Variants in TRPC5 observed in about 807,000 individuals in gnomAD.
TRPC5 encodes the protein transient receptor potential cation channel subfamily C member 5, also known as short transient receptor potential channel 5.
In TRPC5, 9 loss-of-function variants were observed where a neutral mutation model predicts 56.5. The observed-to-expected ratio is 0.16, with a 90% confidence interval of 0.10 to 0.28. TRPC5 has a LOEUF of 0.28. Among genes scored for constraint, TRPC5 ranks in the 10% least tolerant of loss-of-function variants. The pLI, the probability that TRPC5 is intolerant of heterozygous loss-of-function variation, is 1.00. For synonymous variants in TRPC5, 282 were observed against 278.5 expected (o/e 1.01, Z -0.13); for missense variants, 469 against 748.9 (o/e 0.63, Z 4.36).
intron 2 of TRPC5, among the ~76,000 whole-genome samples, chrX:111,940,393 G>A (rs1926738062): frequency 8.9e-6 from 1 of 111,747 alleles, no homozygotes; most frequent in Admixed American, 9.5e-5. Context: ...GACACGTAAA[G>A]CAAAAAATAT....
chrX:111,815,201 A>G (rs1035265557), intron 7 of TRPC5, among the ~76,000 whole-genome samples: 9 of 111,331 alleles, frequency 8.1e-5, no homozygotes, highest in African/African-American at 2.9e-4. Flanking sequence ...GGGTGAATGT[A>G]TTAGAATTTG....
intron 1 of TRPC5, among the ~76,000 whole-genome samples, chrX:112,075,255 G>T: frequency 8.9e-6 from 1 of 112,099 alleles, no homozygotes. Flanking sequence ...TAGGCCAACA[G>T]GGAAAATTCA....
chrX:111,846,073 TG>T (rs1308261283), intron 6 of TRPC5, among the ~76,000 whole-genome samples: 1 of 111,541 alleles, frequency 9.0e-6, no homozygotes, highest in Non-Finnish European at 1.9e-5. Flanking sequence ...TGTTTTGTTT[TG>T]TTTTTTTCTC....
At chrX:111,791,397 C>T (rs1946020108) in intron 7 of TRPC5, among the ~76,000 whole-genome samples, 1 of 111,791 alleles carries the variant, frequency 8.9e-6, no homozygotes, top group Non-Finnish European at 1.9e-5. Flanking sequence ...ATCACCCTGA[C>T]ACCAACAGAA....
At chrX:111,927,948 G>T (rs1353529345) in intron 2 of TRPC5, among the ~76,000 whole-genome samples, 1 of 109,697 alleles carries the variant, frequency 9.1e-6, no homozygotes, top group East Asian at 2.9e-4. Flanking sequence ...TTTCTGAATG[G>T]CTTCTCTAAG....
At chrX:111,836,442 G>A (rs1454581744) in intron 6 of TRPC5, among the ~76,000 whole-genome samples, 2 of 111,488 alleles carry the variant, frequency 1.8e-5, no homozygotes, top group Non-Finnish European at 3.8e-5. Context: ...GTGGGTGAGA[G>A]GTACTTTAAG....
chrX:111,905,871 T>G (rs192364886), intron 3 of TRPC5, among the ~76,000 whole-genome samples: 3 of 96,728 alleles, frequency 3.1e-5, no homozygotes, highest in Non-Finnish European at 6.0e-5. Context: ...GCCAAGATCG[T>G]GCCACTGCAC....
At chrX:111,945,369 G>A (rs1331510954) in intron 2 of TRPC5, among the ~76,000 whole-genome samples, 1 of 109,117 alleles carries the variant, frequency 9.2e-6, no homozygotes, top group Non-Finnish European at 1.9e-5. Flanking sequence ...AATTTCCCTG[G>A]TTGTCAAAAA....
At chrX:111,842,158 G>GTATATATATATATTTTATAT (rs1922776623) in intron 6 of TRPC5, among the ~76,000 whole-genome samples, 1 of 86,137 alleles carries the variant, frequency 1.2e-5, no homozygotes, top group African/African-American at 6.9e-5. Flanking sequence ...GTATATTTTA[G>GTATATATATATATTTTATAT]ATGGAGTCTC....
Position 111,912,474 on chromosome X carries a change from G to A in TRPC5, c.717C>T (p.Ala239=), listed in dbSNP as rs370740061. Residue 239 remains alanine (A), a synonymous_variant, in exon 3 of 11, where the codon GCC becomes GCT. Transcript: ENST00000262839. ...ACTGCTGAGAGAGCTCCTCATACTCGGCCTTGAACTCATTCTCCACCTTGC... is the reference window on the plus strand; with the variant it reads ...ACTGCTGAGAGAGCTCCTCATACTCAGCCTTGAACTCATTCTCCACCTTGC... ...ELSKVENEFK[A]EYEELSQQCK... 9.0e-5 allele frequency: 109 copies of A among 1,209,373 alleles called. No individual in the cohort carries two copies. The highest frequency in any genetic ancestry group is 1.1e-4 in the African/African-American group (6 of 56,983).
At chrX:111,835,600 A>T (rs947474360) in intron 6 of TRPC5, among the ~76,000 whole-genome samples, 2 of 111,397 alleles carry the variant, frequency 1.8e-5, no homozygotes, top group African/African-American at 6.5e-5. Flanking sequence ...CATCCTGGCT[A>T]ATACGGTGAA....
At chrX:112,078,425 G>T (rs1930887332) in intron 1 of TRPC5, among the ~76,000 whole-genome samples, 1 of 111,833 alleles carries the variant, frequency 8.9e-6, no homozygotes, top group African/African-American at 3.3e-5. Flanking sequence ...AAACAGTACT[G>T]GGTTGTGGTT....
chrX:111,835,099 T>C lies in TRPC5; in HGVS notation c.1718A>G (p.Gln573Arg). The C allele has an allele frequency of 8.3e-7, 1 of 1,206,969 alleles. No homozygotes were observed. The highest frequency in any genetic ancestry group is 1.1e-6 in the Non-Finnish European group (1 of 893,222). The change falls in exon 7 of 11, where the codon CAG becomes CGG. Residue 573 changes from glutamine to arginine, a missense_variant. Physicochemically the swap from Gln to Arg is conservative, Grantham distance 43. Transcript: ENST00000262839. Reference sequence around the variant, plus strand: ...GCCAAATACAGACCAGAAGAGTGACTGAAGAGTCTCAAAGAGCCTAAAAGA... The same window carrying C: ...GCCAAATACAGACCAGAAGAGTGACCGAAGAGTCTCAAAGAGCCTAAAAGA... ...NAFSTLFETL[Q>R]SLFWSVFGLL... is the part of the protein sequence containing the mutation.
intron 7 of TRPC5, among the ~76,000 whole-genome samples, chrX:111,826,352 A>T (rs1051281763): frequency 3.6e-5 from 4 of 112,351 alleles, no homozygotes; most frequent in Admixed American, 2.8e-4. Flanking sequence ...TTGTTGTCTG[A>T]AATGAGATTA....
chrX:111,835,461 A>G (rs189561379), intron 6 of TRPC5, among the ~76,000 whole-genome samples: 68 of 112,079 alleles, frequency 6.1e-4, no homozygotes, highest in African/African-American at 1.8e-3. Context: ...TACCATTCTA[A>G]TTATGCAGAG....
chrX:111,901,712 T>A (rs990309652), intron 3 of TRPC5: 1 of 437,388 alleles, frequency 2.3e-6, no homozygotes, highest in African/African-American at 2.4e-5. Flanking sequence ...ATCACCATCA[T>A]AATCATATCA....
intron 1 of TRPC5, among the ~76,000 whole-genome samples, chrX:111,997,805 G>A (rs928677244): frequency 1.8e-5 from 2 of 110,145 alleles, no homozygotes; most frequent in South Asian, 3.9e-4. Context: ...TTGTGCATGC[G>A]TCACGAAGTT....
At chrX:111,977,302 G>A (rs1444478915) in intron 1 of TRPC5, among the ~76,000 whole-genome samples, 1 of 111,154 alleles carries the variant, frequency 9.0e-6, no homozygotes, top group African/African-American at 3.3e-5. Context: ...CAATAGAATA[G>A]AACAGATAAC....
chrX:111,947,833 G>A (rs1033142256), intron 2 of TRPC5, among the ~76,000 whole-genome samples: 5 of 111,992 alleles, frequency 4.5e-5, no homozygotes, highest in African/African-American at 1.6e-4. Context: ...GTGAACAAGA[G>A]AGAGAAAGTC....
Sources: allele counts gnomAD v4.1 joint callset (sites outside exome capture counted in the v4.1 genomes callset), GRCh38; gene constraint gnomAD v4.1.1; transcripts MANE v1.5; gene names NCBI Gene and HGNC (gene_info 2026-07-23, HGNC 2026-07-21).